Variants in DGKB observed in about 807,000 individuals in gnomAD.
DGKB encodes the protein 90 kDa diacylglycerol kinase.
In DGKB, 67 loss-of-function variants were observed where a neutral mutation model predicts 114.3. The ratio of observed to expected loss-of-function variants is 0.59; its 90% CI spans 0.48 to 0.72. The LOEUF (loss-of-function observed/expected upper bound fraction) is 0.72, where lower values mean the gene tolerates loss of function less well. DGKB is among the 30% of genes least tolerant of loss of function. DGKB has a pLI of 0.00. For missense variants in DGKB, 907 were observed against 975.2 expected (o/e 0.93, Z 0.93); for synonymous variants, 398 against 323.1 (o/e 1.23, Z -2.49).
chr7:14,191,085 T>C (rs565822852), intron 23 of DGKB: 84 of 157,754 alleles, frequency 5.3e-4, no homozygotes, highest in African/African-American at 1.9e-3. Context: ...GGGACACAGA[T>C]GCTTTGCGAA....
chr7:14,396,608 G>A (rs1822256256), intron 21 of DGKB, among the ~76,000 whole-genome samples: 1 of 152,150 alleles, frequency 6.6e-6, no homozygotes, highest in Admixed American at 6.6e-5. Context: ...CAAAAAGCAT[G>A]ATATTCAACA....
At chr7:14,940,399 T>A (rs190564956) in intron 1 of DGKB, among the ~76,000 whole-genome samples, 3 of 152,022 alleles carry the variant, frequency 2.0e-5, no homozygotes, top group Non-Finnish European at 4.4e-5. Context: ...AATGTAATAA[T>A]TGAGTACAAT....
chr7:14,580,196 C>T (rs150505848), intron 19 of DGKB, among the ~76,000 whole-genome samples: 27 of 152,274 alleles, frequency 1.8e-4, no homozygotes, highest in African/African-American at 4.3e-4. Context: ...ATGTTCCCTC[C>T]GCCTATGAAG....
chr7:14,752,131 T>A (rs1202191055), intron 4 of DGKB, among the ~76,000 whole-genome samples: 2 of 152,158 alleles, frequency 1.3e-5, no homozygotes, highest in African/African-American at 4.8e-5. Context: ...AGACCATATT[T>A]TCTCTGTTAT....
At chr7:14,618,503 C>G (rs1563694113) in intron 15 of DGKB, among the ~76,000 whole-genome samples, 1 of 151,606 alleles carries the variant, frequency 6.6e-6, no homozygotes. Flanking sequence ...CTGTTTTTCT[C>G]CTTATTTCTT....
At chr7:14,867,016 T>C (rs1221430696) in intron 1 of DGKB, among the ~76,000 whole-genome samples, 1 of 152,200 alleles carries the variant, frequency 6.6e-6, no homozygotes, top group Non-Finnish European at 1.5e-5. Context: ...TTATTTAACA[T>C]CTGTATATTT....
At chr7:14,263,775 A>G (rs1797107635) in intron 23 of DGKB, among the ~76,000 whole-genome samples, 2 of 30,122 alleles carry the variant, frequency 6.6e-5, no homozygotes, top group Non-Finnish European at 1.4e-4. Flanking sequence ...AGGTTTCTTT[A>G]TCCCTTAGGC....
chr7:14,888,947 G>A (rs1780742472), intron 1 of DGKB, among the ~76,000 whole-genome samples: 1 of 151,492 alleles, frequency 6.6e-6, no homozygotes, highest in South Asian at 2.1e-4. Context: ...TTGCATCTGG[G>A]TGTTTGACTC....
intron 20 of DGKB, among the ~76,000 whole-genome samples, chr7:14,552,452 G>T (rs1309197857): frequency 6.6e-6 from 1 of 152,124 alleles, no homozygotes; most frequent in Non-Finnish European, 1.5e-5. Flanking sequence ...AGCCCAGTAA[G>T]TGACCCATAA....
intron 1 of DGKB, among the ~76,000 whole-genome samples, chr7:14,851,086 C>T (rs1303223763): frequency 6.6e-6 from 1 of 152,020 alleles, no homozygotes; most frequent in East Asian, 1.9e-4. Flanking sequence ...AGTAGAATTG[C>T]TTTTATTAGT....
intron 23 of DGKB, among the ~76,000 whole-genome samples, chr7:14,322,903 A>G (rs181861772): frequency 2.6e-5 from 4 of 152,308 alleles, no homozygotes; most frequent in Admixed American, 2.0e-4. Context: ...AAAAAGACTC[A>G]TCATTCAAAG....
At chr7:14,181,555 T>C (rs902281355) in intron 23 of DGKB, among the ~76,000 whole-genome samples, 3 of 152,178 alleles carry the variant, frequency 2.0e-5, no homozygotes, top group Admixed American at 2.0e-4. Context: ...TTAACATTCA[T>C]TAGTGTGCTC....
intron 13 of DGKB, among the ~76,000 whole-genome samples, chr7:14,643,778 C>A (rs1812327757): frequency 6.6e-6 from 1 of 152,166 alleles, no homozygotes; most frequent in African/African-American, 2.4e-5. Context: ...ATGTCAATAA[C>A]CTGCAAACCA....
intron 21 of DGKB, among the ~76,000 whole-genome samples, chr7:14,446,643 G>T (rs1325441649): frequency 6.6e-6 from 1 of 152,048 alleles, no homozygotes; most frequent in African/African-American, 2.4e-5. Flanking sequence ...CTTTCTCTAA[G>T]TTTTCCTCTT....
chr7:14,491,420 T>C (rs187317099), intron 20 of DGKB, among the ~76,000 whole-genome samples: 3 of 152,238 alleles, frequency 2.0e-5, no homozygotes, highest in East Asian at 3.9e-4. Flanking sequence ...TCTCTTTTTC[T>C]TTATAAATTA....
intron 2 of DGKB, among the ~76,000 whole-genome samples, chr7:14,818,938 C>T (rs1262379104): frequency 1.3e-5 from 2 of 152,092 alleles, no homozygotes; most frequent in African/African-American, 2.4e-5. Context: ...ATAGGCATAG[C>T]TCTGCAATCT....
At chr7:14,665,488 T>C (rs1252622366) in intron 13 of DGKB, among the ~76,000 whole-genome samples, 1 of 151,950 alleles carries the variant, frequency 6.6e-6, no homozygotes, top group Non-Finnish European at 1.5e-5. Flanking sequence ...ACCTATATAA[T>C]AAACCTGTAC....
intron 13 of DGKB, among the ~76,000 whole-genome samples, chr7:14,668,057 G>A (rs925368678): frequency 2.0e-5 from 3 of 151,908 alleles, no homozygotes; most frequent in African/African-American, 7.3e-5. Flanking sequence ...AGAGTGTTTG[G>A]GATTCAAATA....
chr7:14,851,438 G>T (rs999317074), intron 1 of DGKB, among the ~76,000 whole-genome samples: 1 of 152,064 alleles, frequency 6.6e-6, no homozygotes, highest in Non-Finnish European at 1.5e-5. Context: ...GAGACTGGCA[G>T]GTTAGGTGAA....
Sources: allele counts gnomAD v4.1 joint callset (sites outside exome capture counted in the v4.1 genomes callset), GRCh38; gene constraint gnomAD v4.1.1; transcripts MANE v1.5; gene names NCBI Gene and HGNC (gene_info 2026-07-23, HGNC 2026-07-21).